Variants in NFIL3 observed in about 807,000 individuals in gnomAD.
NFIL3 encodes the protein nuclear factor interleukin-3-regulated protein.
NFIL3 carries 5 observed loss-of-function variants against 10.0 expected under a neutral mutation model. That is an observed-to-expected ratio of 0.50 (90% confidence interval 0.26 to 1.06). The LOEUF (loss-of-function observed/expected upper bound fraction) is 1.06, where lower values mean the gene tolerates loss of function less well. NFIL3 is among the 50% of genes least tolerant of loss of function. NFIL3 has a pLI of 0.13. For missense variants in NFIL3, 436 were observed against 547.6 expected, an observed-to-expected ratio of 0.80 and a Z score of 2.03; for synonymous variants, 202 against 206.5, an observed-to-expected ratio of 0.98 and a Z score of 0.19.
the NFIL3 span, among the ~76,000 whole-genome samples, chr9:91,479,077 G>A: frequency 9.8e-3 from 1,488 of 152,298 alleles, 31 homozygotes; most frequent in African/African-American, 0.033. Context: ...TGAGGTGTCC[G>A]TCAACCCCTG....
chr9:91,463,995 A>G, the NFIL3 span, among the ~76,000 whole-genome samples: 1 of 152,102 alleles, frequency 6.6e-6, no homozygotes, highest in Non-Finnish European at 1.5e-5. Flanking sequence ...TTAATATGGT[A>G]TATCATTCCC....
At chr9:91,460,755 T>C in the NFIL3 span, among the ~76,000 whole-genome samples, 2 of 152,194 alleles carry the variant, frequency 1.3e-5, no homozygotes, top group Non-Finnish European at 2.9e-5. Context: ...CCTGAGTCTT[T>C]AGTTATTAAA....
chr9:91,455,792 A>T, the NFIL3 span, among the ~76,000 whole-genome samples: 4 of 152,188 alleles, frequency 2.6e-5, no homozygotes, highest in Non-Finnish European at 5.9e-5. Context: ...CATTATTGGA[A>T]CGCTATGCAC....
At chr9:91,462,352 G>A in the NFIL3 span, among the ~76,000 whole-genome samples, 4 of 151,974 alleles carry the variant, frequency 2.6e-5, no homozygotes, top group Non-Finnish European at 2.9e-5. Context: ...TTTTGTAAGC[G>A]TTCTTTATTG....
rs979008940 is a variant in NFIL3 at position 91,409,058 on chromosome 9, A to G, written c.*288T>C. ...ATGGAGCAGGAGTTCTGTGTTTGTC[A>G]CCAATCCTTTATTGAAACTGGTAAC... On this transcript the variant is annotated 3_prime_UTR_variant, in exon 2 of 2. Coordinates refer to ENST00000297689, the MANE Select transcript of NFIL3 (RefSeq NM_005384.3). 23 of 276,962 alleles carry G rather than the reference A, an allele frequency of 8.3e-5. No homozygotes were observed. The highest frequency in any genetic ancestry group is 4.2e-4 in the African/African-American group (19 of 45,666). 17.2% of individuals were successfully genotyped at this position (276,962 alleles called of 1,614,324 possible).
chr9:91,445,768 T>A, the NFIL3 span, among the ~76,000 whole-genome samples: 2 of 152,024 alleles, frequency 1.3e-5, no homozygotes, highest in African/African-American at 4.8e-5. Flanking sequence ...CCCAGAGCAG[T>A]GAGGAAGAGT....
chr9:91,438,979 C>G, the NFIL3 span, among the ~76,000 whole-genome samples: 5 of 152,022 alleles, frequency 3.3e-5, no homozygotes, highest in African/African-American at 1.2e-4. Context: ...AACTATTTGT[C>G]AGAATTGTTT....
chr9:91,434,556 A>T, the NFIL3 span, among the ~76,000 whole-genome samples: 24 of 152,330 alleles, frequency 1.6e-4, no homozygotes, highest in Admixed American at 1.6e-3. Context: ...TACAAAAGAA[A>T]AGATAAATAT....
chr9:91,426,868 A>G (rs1821034054), upstream of NFIL3: 1 of 152,188 alleles, frequency 6.6e-6, no homozygotes, highest in South Asian at 2.1e-4. Context: ...CCAAGAGGCC[A>G]TATATATATC....
the NFIL3 span, among the ~76,000 whole-genome samples, chr9:91,468,600 G>A: frequency 2.8e-3 from 424 of 152,266 alleles, 1 homozygote; most frequent in African/African-American, 9.6e-3. Context: ...TTTTAGTCAT[G>A]AAGTCCTTGC....
chr9:91,475,860 T>C, the NFIL3 span, among the ~76,000 whole-genome samples: 1 of 152,254 alleles, frequency 6.6e-6, no homozygotes, highest in African/African-American at 2.4e-5. Flanking sequence ...ATTTACTTGA[T>C]AATAGCTTGC....
At chr9:91,437,105 C>G in the NFIL3 span, among the ~76,000 whole-genome samples, 1 of 152,204 alleles carries the variant, frequency 6.6e-6, no homozygotes, top group African/African-American at 2.4e-5. Flanking sequence ...GGAGGCTGAG[C>G]TCAGGCAGTA....
the NFIL3 span, among the ~76,000 whole-genome samples, chr9:91,439,469 C>T: frequency 1.3e-5 from 2 of 149,160 alleles, no homozygotes; most frequent in East Asian, 2.1e-4. Context: ...AATAGAGATA[C>T]TTTTTCTTTC....
the NFIL3 span, among the ~76,000 whole-genome samples, chr9:91,438,156 A>G: frequency 7.6e-4 from 116 of 152,242 alleles, no homozygotes; most frequent in African/African-American, 2.6e-3. Flanking sequence ...TTTTCTTCAC[A>G]TACTTCCTAA....
the NFIL3 span, among the ~76,000 whole-genome samples, chr9:91,443,255 G>A: frequency 3.9e-5 from 6 of 152,284 alleles, no homozygotes; most frequent in East Asian, 1.2e-3. Flanking sequence ...GGCAGGCCTG[G>A]AAAAAGCGCC....
At chr9:91,443,888 C>T in the NFIL3 span, among the ~76,000 whole-genome samples, 1 of 152,206 alleles carries the variant, frequency 6.6e-6, no homozygotes, top group Non-Finnish European at 1.5e-5. Context: ...CTTTTGACAG[C>T]TTGATTATAA....
chr9:91,414,728 C>T (rs534888258), intron 1 of NFIL3, among the ~76,000 whole-genome samples: 1 of 152,332 alleles, frequency 6.6e-6, no homozygotes, highest in East Asian at 1.9e-4. Context: ...ATCAAATAAT[C>T]TTGCAGTGTT....
chr9:91,478,983 A>G, the NFIL3 span, among the ~76,000 whole-genome samples: 1 of 152,226 alleles, frequency 6.6e-6, no homozygotes, highest in Non-Finnish European at 1.5e-5. Flanking sequence ...AGGCTGCAGA[A>G]CACAAAGATT....
chr9:91,440,097 T>C, the NFIL3 span, among the ~76,000 whole-genome samples: 1 of 152,158 alleles, frequency 6.6e-6, no homozygotes, highest in Non-Finnish European at 1.5e-5. Flanking sequence ...TGGTATTAGT[T>C]CCTCTTTGAA....
Sources: allele counts gnomAD v4.1 joint callset (sites outside exome capture counted in the v4.1 genomes callset), GRCh38; gene constraint gnomAD v4.1.1; transcripts MANE v1.5; gene names NCBI Gene and HGNC (gene_info 2026-07-23, HGNC 2026-07-21).